The following FBXL20 variants were observed in gnomAD, a reference collection of about 807,000 sequenced individuals.
FBXL20 encodes F-box and leucine rich repeat protein 20, also known as F-box/LRR-repeat protein 20.
In FBXL20, 11 loss-of-function variants were observed where a neutral mutation model predicts 64.0. The ratio of observed to expected loss-of-function variants is 0.17; its 90% CI spans 0.11 to 0.28. FBXL20 has a LOEUF of 0.28. Among genes scored for constraint, FBXL20 ranks in the 10% least tolerant of loss-of-function variants. FBXL20 has a pLI of 1.00. For missense variants in FBXL20, 303 were observed against 526.2 expected (o/e 0.58, Z 4.15); for synonymous variants, 184 against 189.0 (o/e 0.97, Z 0.22).
intron 2 of FBXL20, among the ~76,000 whole-genome samples, chr17:39,316,808 C>A (rs1208695649): frequency 6.6e-6 from 1 of 152,122 alleles, no homozygotes; most frequent in Admixed American, 6.5e-5. Context: ...GCCAACATGG[C>A]GAAAGCCCGT....
chr17:39,277,180 T>C lies in FBXL20; in HGVS notation c.697-2080A>G, dbSNP rs74761858. Among the ~76,000 whole-genome samples the C allele has an allele frequency of 7.3e-3, 1,110 of 152,274 alleles. 7 individuals carry two copies. The highest frequency in any genetic ancestry group is 0.02 in the Middle Eastern group (6 of 294). ...TGACACAAATATAGATTAAAAAAAT[T>C]GGATGCTAAGGCAGATACTAATGAG... On this transcript the variant is annotated intron_variant, in intron 9 of 14. Coordinates refer to ENST00000264658, the MANE Select transcript of FBXL20 (RefSeq NM_032875.3).
intron 1 of FBXL20, among the ~76,000 whole-genome samples, chr17:39,343,445 A>G (rs537612815): frequency 6.6e-6 from 1 of 152,356 alleles, no homozygotes; most frequent in Non-Finnish European, 1.5e-5. Flanking sequence ...AAAGAAAAAC[A>G]AGAGCAGTCA....
intron 2 of FBXL20, among the ~76,000 whole-genome samples, chr17:39,342,479 GC>G (rs2047592140): frequency 6.6e-6 from 1 of 152,126 alleles, no homozygotes; most frequent in Non-Finnish European, 1.5e-5. Flanking sequence ...ACTTTGGGAG[GC>G]CAAAGTAGGC....
intron 2 of FBXL20, among the ~76,000 whole-genome samples, chr17:39,319,673 C>CAAAAAA (rs71300077): frequency 3.8e-3 from 177 of 46,984 alleles, no homozygotes; most frequent in Non-Finnish European, 4.7e-3. Flanking sequence ...GACTCCATAT[C>CAAAAAA]AAAAAAAAAA....
rs111557969 is a variant in FBXL20, at chr17:39,343,236, G to A, written c.48C>T (p.Phe16=). The change falls in exon 2 of 15, where the codon TTC becomes TTT. Residue 16 remains phenylalanine, a synonymous_variant. Transcript: ENST00000264658. ...TGATTACAGCTTCATCACTATTTGAGAACATCTGCAAAAACAAAATCATAG... is the reference window on the plus strand; with the variant it reads ...TGATTACAGCTTCATCACTATTTGAAAACATCTGCAAAAACAAAATCATAG... The part of the protein sequence containing the change: ...NGVTKSRFEM[F]SNSDEAVINK... The A allele has an allele frequency of 3.1e-5, 50 of 1,595,272 alleles. 1 individual carries two copies. The African/African-American group carries it at 5.1e-4, about 16-fold the overall frequency.
intron 1 of FBXL20, among the ~76,000 whole-genome samples, chr17:39,381,501 G>C (rs1470740699): frequency 6.9e-6 from 1 of 145,118 alleles, no homozygotes; most frequent in Non-Finnish European, 1.5e-5. Flanking sequence ...AAAAAAAAAG[G>C]CTGAATAAAG....
upstream of FBXL20, chr17:39,401,809 C>G: frequency 4.1e-6 from 3 of 739,088 alleles, no homozygotes; most frequent in Non-Finnish European, 5.2e-6. Context: ...ACGGCGCTCC[C>G]GGGAGCAGCC....
intron 2 of FBXL20, among the ~76,000 whole-genome samples, chr17:39,329,570 G>A (rs893609122): frequency 6.6e-6 from 1 of 152,006 alleles, no homozygotes; most frequent in African/African-American, 2.4e-5. Flanking sequence ...ACTGTACTGT[G>A]GTGTTTTGTA....
chr17:39,304,123 G>A (rs2047160881), intron 2 of FBXL20, among the ~76,000 whole-genome samples: 1 of 151,912 alleles, frequency 6.6e-6, no homozygotes, highest in Non-Finnish European at 1.5e-5. Flanking sequence ...ATAAAACACA[G>A]TGGGAAAAAA....
intron 1 of FBXL20, among the ~76,000 whole-genome samples, chr17:39,397,805 T>C (rs1418493659): frequency 6.7e-6 from 1 of 149,940 alleles, no homozygotes; most frequent in African/African-American, 2.5e-5. Context: ...ACAAATTTTA[T>C]AGACTTTTTG....
intron 1 of FBXL20, among the ~76,000 whole-genome samples, chr17:39,389,116 A>AAT (rs2144672054): frequency 6.6e-6 from 1 of 151,022 alleles, no homozygotes; most frequent in East Asian, 2.0e-4. Context: ...AAAAAAAAAA[A>AAT]AAAAAAAAAA....
intron 2 of FBXL20, among the ~76,000 whole-genome samples, chr17:39,315,393 T>TTTTATATATATATA (rs147050998): frequency 5.0e-4 from 67 of 134,564 alleles, no homozygotes; most frequent in Admixed American, 9.7e-4. Flanking sequence ...TTTAAATAAT[T>TTTTATATATATATA]TATATATATA....
Position 39,252,968 on chromosome 17 carries a change from G to C in FBXL20, c.*8492C>G, listed in dbSNP as rs1023662178. The C allele has an allele frequency of 6.6e-6, 1 of 152,216 alleles. No individual in the cohort carries two copies. The highest frequency in any genetic ancestry group is 1.5e-5 in the Non-Finnish European group (1 of 68,088). 9.4% of individuals were successfully genotyped at this position (152,216 alleles called of 1,614,324 possible). On this transcript the variant is annotated 3_prime_UTR_variant, in exon 15 of 15. Coordinates refer to ENST00000264658, the MANE Select transcript of FBXL20 (RefSeq NM_032875.3). ...GCAACTGTGTCGGCTCCAGAGATTGGCTAAGCATTTGGAGCAGGCCTAGTG... is the reference window on the plus strand; with the variant it reads ...GCAACTGTGTCGGCTCCAGAGATTGCCTAAGCATTTGGAGCAGGCCTAGTG...
intron 6 of FBXL20, among the ~76,000 whole-genome samples, chr17:39,295,658 T>C (rs2047077236): frequency 6.6e-6 from 1 of 152,118 alleles, no homozygotes; most frequent in Non-Finnish European, 1.5e-5. Context: ...CGATAAAACA[T>C]AATTCAGAGT....
chr17:39,351,824 A>T (rs1377126333), intron 1 of FBXL20, among the ~76,000 whole-genome samples: 2 of 152,234 alleles, frequency 1.3e-5, no homozygotes, highest in Non-Finnish European at 2.9e-5. Context: ...ACACTGTGAT[A>T]GCCATGACTT....
chr17:39,332,504 C>A (rs1033428237), intron 2 of FBXL20, among the ~76,000 whole-genome samples: 4 of 150,074 alleles, frequency 2.7e-5, no homozygotes, highest in Non-Finnish European at 4.4e-5. Flanking sequence ...TTTACCTGTG[C>A]ACCTTTCCCC....
intron 7 of FBXL20, among the ~76,000 whole-genome samples, chr17:39,283,899 T>TATC (rs1229467344): frequency 6.8e-6 from 1 of 146,348 alleles, no homozygotes; most frequent in Non-Finnish European, 1.5e-5. Flanking sequence ...GCAGAAAAGA[T>TATC]CCAGAAGATA....
chr17:39,272,788 C>T (rs1478258097), intron 10 of FBXL20, among the ~76,000 whole-genome samples: 1 of 151,444 alleles, frequency 6.6e-6, no homozygotes, highest in Non-Finnish European at 1.5e-5. Flanking sequence ...AAAACACGAT[C>T]TGACTGGAAC....
intron 2 of FBXL20, among the ~76,000 whole-genome samples, chr17:39,310,665 A>G (rs2047226726): frequency 1.3e-5 from 2 of 151,872 alleles, no homozygotes; most frequent in Admixed American, 1.3e-4. Flanking sequence ...CCTGGGCAAC[A>G]CGGTGAGACC....
Sources: allele counts gnomAD v4.1 joint callset (sites outside exome capture counted in the v4.1 genomes callset), GRCh38; gene constraint gnomAD v4.1.1; transcripts MANE v1.5; gene names NCBI Gene and HGNC (gene_info 2026-07-23, HGNC 2026-07-21).